CPNE8: variants seen among roughly 807,000 people sequenced by gnomAD.
CPNE8 encodes the protein copine 8.
A neutral mutation model predicts 81.5 loss-of-function variants in CPNE8; 45 were observed. The observed-to-expected ratio is 0.55, with a 90% confidence interval of 0.44 to 0.71. The LOEUF (loss-of-function observed/expected upper bound fraction) is 0.71. Ranked by LOEUF, CPNE8 falls within the 30% of genes least tolerant of loss-of-function variation. CPNE8 has a pLI of 0.00. For missense variants in CPNE8, 594 were observed against 672.1 expected (o/e 0.88, Z 1.28); for synonymous variants, 252 against 226.3 (o/e 1.11, Z -1.02).
intron 15 of CPNE8, among the ~76,000 whole-genome samples, chr12:38,687,374 C>CTTTTTTT (rs61259310): frequency 2.6e-4 from 15 of 58,666 alleles, no homozygotes; most frequent in African/African-American, 4.2e-4. Flanking sequence ...CCAAGACTTT[C>CTTTTTTT]TTTTTTTTTT....
In CPNE8 at chr12:38,893,252, G is replaced by A. The variant is rs143860973; in HGVS notation, c.98+12185C>T. Among the ~76,000 whole-genome samples the A allele has an allele frequency of 2.0e-3, 308 of 152,254 alleles. 1 individual carries two copies. The highest frequency in any genetic ancestry group is 6.9e-3 in the African/African-American group (286 of 41,554). On this transcript the variant is annotated intron_variant, in intron 1 of 19. Transcript: ENST00000331366. ...GAGACCTGCTGGGCTGCATTCCCAG[G>A]AGGTTAAGGCATTTAGTCACAGAAT...
chr12:38,735,375 G>A (rs569507797), intron 10 of CPNE8, among the ~76,000 whole-genome samples: 1 of 152,074 alleles, frequency 6.6e-6, no homozygotes, highest in South Asian at 2.1e-4. Flanking sequence ...GTGGGCAGAG[G>A]GCAGCAGAGT....
Position 38,874,501 on chromosome 12 carries a change from CAAG to C in CPNE8, c.106_108del (p.Leu36del). 1.2e-6 allele frequency: 2 copies of C among 1,606,464 alleles called. No homozygotes were observed. Among genetic ancestry groups the C allele is most frequent in the Non-Finnish European group, 1.7e-6 (2 of 1,175,272 alleles). On this transcript the variant is annotated inframe_deletion, in exon 2 of 20. Coordinates refer to ENST00000331366, the MANE Select transcript of CPNE8 (RefSeq NM_153634.3). ...TCAGATTTAGAAAATGTGTCTCTGT[CAAG>C]AAGATTTCTGTTGAATAAAACAGAA...
intron 3 of CPNE8, among the ~76,000 whole-genome samples, chr12:38,867,234 C>CTAAACAGTGAA (rs1219693834): frequency 6.7e-6 from 1 of 149,850 alleles, no homozygotes; most frequent in Non-Finnish European, 1.5e-5. Context: ...AAGCACAAAG[C>CTAAACAGTGAA]TAAACAGTGA....
At chr12:38,718,218 C>A (rs998310224) in intron 13 of CPNE8, among the ~76,000 whole-genome samples, 2 of 152,106 alleles carry the variant, frequency 1.3e-5, no homozygotes, top group African/African-American at 4.8e-5. Flanking sequence ...TAAGAAGAGT[C>A]TCCCCTGAGG....
At position 38,881,925 on chromosome 12, in the gene CPNE8, G is replaced by A. The variant is rs530080897; in HGVS notation, c.99-7414C>T. 3.9e-5 allele frequency among the ~76,000 whole-genome samples: 6 copies of A among 152,278 alleles called. 1 individual carries two copies. The South Asian group carries it at 6.2e-4, about 16-fold the overall frequency. ...AAAATGGAGAAAAAAAAGAGACTGA[G>A]AGCAGGATATGGGTCTTCTTAAAAA... is the stretch of plus-strand genomic sequence containing the variant. On this transcript the variant is annotated intron_variant, in intron 1 of 19. Transcript: ENST00000331366.
intron 1 of CPNE8, among the ~76,000 whole-genome samples, chr12:38,876,337 G>A (rs557465364): frequency 7.9e-5 from 12 of 152,058 alleles, no homozygotes; most frequent in Admixed American, 2.0e-4. Flanking sequence ...TCAGCCTCCC[G>A]AGAGTAGCTG....
intron 3 of CPNE8, among the ~76,000 whole-genome samples, chr12:38,857,453 G>T (rs1943760211): frequency 2.0e-5 from 3 of 150,788 alleles, no homozygotes; most frequent in African/African-American, 7.3e-5. Flanking sequence ...TAAAAACACT[G>T]AACTACATTA....
intron 7 of CPNE8, among the ~76,000 whole-genome samples, chr12:38,771,893 A>G (rs753009619): frequency 3.9e-5 from 6 of 152,206 alleles, no homozygotes; most frequent in Non-Finnish European, 8.8e-5. Flanking sequence ...AATGGGAGAA[A>G]ATATGCTGTG....
intron 6 of CPNE8, among the ~76,000 whole-genome samples, chr12:38,794,770 T>C (rs775410195): frequency 2.0e-5 from 3 of 152,042 alleles, no homozygotes; most frequent in Non-Finnish European, 4.4e-5. Flanking sequence ...AATGTGATGG[T>C]TAATATTAAG....
At chr12:38,847,018 G>C (rs369028583) in intron 4 of CPNE8, among the ~76,000 whole-genome samples, 10 of 151,872 alleles carry the variant, frequency 6.6e-5, no homozygotes, top group African/African-American at 2.4e-4. Flanking sequence ...TATATTTATT[G>C]CAATTCCTGT....
At chr12:38,795,905 T>TGAC (rs1188462942) in intron 6 of CPNE8, among the ~76,000 whole-genome samples, 3 of 148,242 alleles carry the variant, frequency 2.0e-5, no homozygotes, top group Admixed American at 6.7e-5. Context: ...AGATAGAAGA[T>TGAC]AGATAATACA....
intron 6 of CPNE8, among the ~76,000 whole-genome samples, chr12:38,826,515 A>G (rs1351145729): frequency 6.6e-6 from 1 of 152,166 alleles, no homozygotes; most frequent in African/African-American, 2.4e-5. Flanking sequence ...TGATTACATA[A>G]AATGATCATG....
intron 1 of CPNE8, among the ~76,000 whole-genome samples, chr12:38,899,725 C>T (rs1944433591): frequency 6.6e-6 from 1 of 152,116 alleles, no homozygotes; most frequent in South Asian, 2.1e-4. Context: ...GCACATAGTA[C>T]TTTTATTATA....
chr12:38,902,393 G>GAGAGAGAAAGAAAGAAAGAA (rs1944499574), intron 1 of CPNE8, among the ~76,000 whole-genome samples: 2 of 54,626 alleles, frequency 3.7e-5, no homozygotes, highest in Admixed American at 2.1e-4. Flanking sequence ...AAGAAAGAAA[G>GAGAGAGAAAGAAAGAAAGAA]AGAAAGAAAG....
intron 10 of CPNE8, among the ~76,000 whole-genome samples, chr12:38,736,570 A>G (rs1375024222): frequency 2.6e-5 from 4 of 151,982 alleles, no homozygotes; most frequent in African/African-American, 9.7e-5. Context: ...ATAATGTTAG[A>G]TCATTTAAAT....
intron 1 of CPNE8, among the ~76,000 whole-genome samples, chr12:38,883,106 C>T (rs1003513291): frequency 5.9e-5 from 9 of 152,224 alleles, no homozygotes; most frequent in Non-Finnish European, 1.2e-4. Context: ...AATCATTTCA[C>T]TTAACCCTCA....
chr12:38,781,381 A>G (rs1220062683), intron 6 of CPNE8, among the ~76,000 whole-genome samples: 2 of 152,080 alleles, frequency 1.3e-5, no homozygotes, highest in African/African-American at 4.8e-5. Flanking sequence ...AATTAAATTC[A>G]GCCATGAACT....
chr12:38,796,883 C>A (rs556447318), intron 6 of CPNE8, among the ~76,000 whole-genome samples: 169 of 152,290 alleles, frequency 1.1e-3, no homozygotes, highest in African/African-American at 3.8e-3. Flanking sequence ...AATGGCGCAC[C>A]AGGAGATTAT....
Sources: allele counts gnomAD v4.1 joint callset (sites outside exome capture counted in the v4.1 genomes callset), GRCh38; gene constraint gnomAD v4.1.1; transcripts MANE v1.5; gene names NCBI Gene and HGNC (gene_info 2026-07-23, HGNC 2026-07-21).